The following ST6GAL1 variants were observed in gnomAD, a reference collection of about 807,000 sequenced individuals.
ST6GAL1 encodes beta-galactoside alpha-2,6-sialyltransferase 1.
In ST6GAL1, 20 loss-of-function variants were observed where a neutral mutation model predicts 38.0. The observed-to-expected ratio is 0.53, with a 90% CI of 0.37 to 0.77. The LOEUF (loss-of-function observed/expected upper bound fraction) is 0.77, where lower values mean the gene tolerates loss of function less well. Ranked by LOEUF, ST6GAL1 falls within the 30% of genes least tolerant of loss-of-function variation. The pLI is 0.00. For synonymous variants in ST6GAL1, 196 were observed against 188.2 expected, an observed-to-expected ratio of 1.04 and a Z score of -0.34; for missense variants, 432 against 496.4, an observed-to-expected ratio of 0.87 and a Z score of 1.23.
In ST6GAL1 at chr3:187,075,850, C is replaced by G. The variant is rs1351232704; in HGVS notation, c.*47C>G. The G allele has an allele frequency of 5.6e-6, 9 of 1,605,576 alleles. No individual in the cohort carries two copies. Among genetic ancestry groups the G allele is most frequent in the Non-Finnish European group, 7.7e-6 (9 of 1,174,276 alleles). ...CCATCAGGCATTAAATGAATGGTCT[C>G]TTGGCCACCCCAGCCTGGGAAGAAC... On this transcript the variant is annotated 3_prime_UTR_variant, in exon 8 of 8. Transcript: ENST00000169298. This position sits in a 1 kb window ranked among gnomAD's most constrained non-coding sequence, Gnocchi z 4.1.
chr3:186,941,422 T>G (rs1714168236), intron 1 of ST6GAL1, among the ~76,000 whole-genome samples: 1 of 152,176 alleles, frequency 6.6e-6, no homozygotes, highest in Non-Finnish European at 1.5e-5. Context: ...ATTGGCTACT[T>G]GGATGACAGT....
At chr3:187,073,866 T>A in intron 6 of ST6GAL1, 1 of 281,698 alleles carries the variant, frequency 3.5e-6, no homozygotes. Context: ...TGGGGCTCTT[T>A]TCAGCTCTGA....
intron 2 of ST6GAL1, among the ~76,000 whole-genome samples, chr3:187,036,995 C>T (rs1045635361): frequency 6.6e-6 from 1 of 152,186 alleles, no homozygotes; most frequent in African/African-American, 2.4e-5. Flanking sequence ...GTCATCAGAA[C>T]TATGTAATGT....
chr3:187,069,130 T>A (rs1020494136), intron 5 of ST6GAL1, among the ~76,000 whole-genome samples: 32 of 151,878 alleles, frequency 2.1e-4, no homozygotes, highest in African/African-American at 7.7e-4. Context: ...ATCCTTGAAC[T>A]TCTTCTTTTT....
At chr3:187,012,909 C>T (rs999401764) in intron 2 of ST6GAL1, among the ~76,000 whole-genome samples, 3 of 152,186 alleles carry the variant, frequency 2.0e-5, no homozygotes, top group African/African-American at 7.2e-5. Flanking sequence ...GGTCTACCAG[C>T]GTTTCCTATG....
intron 2 of ST6GAL1, among the ~76,000 whole-genome samples, chr3:186,965,741 C>T (rs1406180512): frequency 6.6e-6 from 1 of 152,146 alleles, no homozygotes; most frequent in African/African-American, 2.4e-5. Flanking sequence ...TGGCAGGGAA[C>T]GTGGTGGGTG....
rs1316833342 is a variant in ST6GAL1 at position 187,038,119 on chromosome 3, C to CAA, written c.-182-622_-182-621dup. 5.3e-5 allele frequency among the ~76,000 whole-genome samples: 8 copies of CAA among 151,522 alleles called. No individual in the cohort carries two copies. The East Asian group carries it at 1.6e-3, about 30-fold the overall frequency. ...GTTTACCTCCAAGCCAGCAATTAAA[C>CAA]AACCTGTTCTTCCCAGGTTGGTCCA... On this transcript the variant is annotated intron_variant, in intron 2 of 7. Transcript: ENST00000169298.
chr3:186,959,186 G>C (rs1309636894), intron 1 of ST6GAL1, among the ~76,000 whole-genome samples: 6 of 152,122 alleles, frequency 3.9e-5, no homozygotes. Context: ...TCCCTTTTCT[G>C]GTTCTCTAAA....
chr3:186,933,855 T>C (rs1335004306), intron 1 of ST6GAL1, among the ~76,000 whole-genome samples: 1 of 152,246 alleles, frequency 6.6e-6, no homozygotes, highest in Non-Finnish European at 1.5e-5. Context: ...CTTATGGATT[T>C]AAATAGGTTT....
chr3:186,990,331 G>A (rs1416037859), intron 2 of ST6GAL1, among the ~76,000 whole-genome samples: 1 of 152,144 alleles, frequency 6.6e-6, no homozygotes, highest in African/African-American at 2.4e-5. Flanking sequence ...ACCAAGCTTG[G>A]CCTAAAGCTT....
chr3:187,059,506 T>C (rs184638723), intron 5 of ST6GAL1, among the ~76,000 whole-genome samples: 352 of 152,358 alleles, frequency 2.3e-3, no homozygotes, highest in Non-Finnish European at 4.0e-3. Flanking sequence ...ATTCATTCAT[T>C]CAACAAATGT....
chr3:186,997,921 G>A (rs961934703), intron 2 of ST6GAL1, among the ~76,000 whole-genome samples: 21 of 152,094 alleles, frequency 1.4e-4, no homozygotes, highest in Admixed American at 1.4e-3. Flanking sequence ...GGCTGCATAC[G>A]TAGTTTTCAG....
intron 2 of ST6GAL1, among the ~76,000 whole-genome samples, chr3:187,012,676 A>G (rs1200185305): frequency 2.0e-5 from 3 of 152,256 alleles, no homozygotes; most frequent in South Asian, 2.1e-4. Flanking sequence ...GATCGGGCAC[A>G]GAGCCATTTC....
chr3:187,062,574 TCACACA>T (rs57175575), intron 5 of ST6GAL1, among the ~76,000 whole-genome samples: 10,814 of 143,866 alleles, frequency 0.075, 1,315 homozygotes, highest in African/African-American at 0.26. Flanking sequence ...AATAAGCCAG[TCACACA>T]CACACACACA....
intron 2 of ST6GAL1, among the ~76,000 whole-genome samples, chr3:187,017,726 C>G (rs1160878710): frequency 6.6e-6 from 1 of 152,232 alleles, no homozygotes; most frequent in Non-Finnish European, 1.5e-5. Flanking sequence ...TCAAGGAACA[C>G]TGGCTCAGAC....
Position 187,051,301 on chromosome 3 carries a change from A to T in ST6GAL1, c.660A>T (p.Gln220His), listed in dbSNP as rs1169572938. The stretch of plus-strand genomic sequence containing the variant: ...ATGGGGCACCCACAGCCAACTTCCA[A>T]CAAGATGTGGGCACAAAAACTACCA... Reference protein sequence around the residue: ...RFNGAPTANFQQDVGTKTTIR... With the variant: ...RFNGAPTANFHQDVGTKTTIR... The change falls in exon 5 of 8, where the codon CAA becomes CAT. Residue 220 changes from glutamine (Q) to histidine (H), a missense_variant. Physicochemically the swap from Gln to His is conservative, Grantham distance 24. Coordinates refer to ENST00000169298, the MANE Select transcript of ST6GAL1 (RefSeq NM_173216.2). 1.2e-6 allele frequency: 2 copies of T among 1,614,152 alleles called. No homozygotes were observed. Among genetic ancestry groups the T allele is most frequent in the Non-Finnish European group, 8.5e-7 (1 of 1,180,008 alleles).
chr3:187,012,926 C>T (rs905194210), intron 2 of ST6GAL1, among the ~76,000 whole-genome samples: 3 of 152,286 alleles, frequency 2.0e-5, no homozygotes, highest in South Asian at 2.1e-4. Context: ...TATGTCAGGC[C>T]GTGAGCACCT....
chr3:187,042,966 A>C lies in ST6GAL1; in HGVS notation c.263A>C (p.Lys88Thr). The change falls in exon 4 of 8, where the codon AAA (lysine) becomes ACA (threonine). Residue 88 changes from lysine to threonine, a missense_variant. Physicochemically the swap from Lys to Thr is moderately conservative, Grantham distance 78 (BLOSUM62 -1). Transcript: ENST00000169298. ...AGTCTCAGAGGCCTAGCCAAGGCCA[A>C]ACCAGAGGCCTCCTTCCAGGTGTGG... is the stretch of plus-strand genomic sequence containing the variant. ...LGSLRGLAKA[K>T]PEASFQVWNK... The C allele has an allele frequency of 6.2e-7, 1 of 1,614,178 alleles. No individual in the cohort carries two copies. The highest frequency in any genetic ancestry group is 8.5e-7 in the Non-Finnish European group (1 of 1,180,032).
At position 187,075,769 on chromosome 3, in the gene ST6GAL1, C is replaced by G. The variant is rs776144488; in HGVS notation, c.1187C>G (p.Ala396Gly). Reference protein sequence around the residue: ...TDEDIYLLGKATLPGFRTIHC With the variant: ...TDEDIYLLGKGTLPGFRTIHC ...GAGGACATCTACCTGCTTGGAAAAG[C>G]CACACTGCCTGGCTTCCGGACCATT... The change falls in exon 8 of 8, where the codon GCC (alanine) becomes GGC (glycine). Residue 396 changes from alanine to glycine, a missense_variant. Ala to Gly is a moderately conservative substitution (Grantham distance 60). Coordinates refer to ENST00000169298, the MANE Select transcript of ST6GAL1 (RefSeq NM_173216.2). The surrounding 1 kb of genome is among the most constrained non-coding windows in gnomAD (Gnocchi z 4.1). 2 of 1,614,202 alleles carry G rather than the reference C, an allele frequency of 1.2e-6. No individual in the cohort carries two copies. Among genetic ancestry groups the G allele is most frequent in the South Asian group, 1.1e-5 (1 of 91,084 alleles).
Sources: allele counts gnomAD v4.1 joint callset (sites outside exome capture counted in the v4.1 genomes callset), GRCh38; gene constraint gnomAD v4.1.1; non-coding constraint Gnocchi (gnomAD v3.1); transcripts MANE v1.5; gene names NCBI Gene and HGNC (gene_info 2026-07-23, HGNC 2026-07-21).